The following FAM171A1 variants were observed in gnomAD, a reference collection of about 807,000 sequenced individuals.
FAM171A1 encodes family with sequence similarity 171 member A1.
FAM171A1 carries 23 observed loss-of-function variants against 74.9 expected under a neutral mutation model. The ratio of observed to expected loss-of-function variants is 0.31; its 90% CI spans 0.22 to 0.44. FAM171A1 has a LOEUF of 0.44. Among genes scored for constraint, FAM171A1 ranks in the 20% least tolerant of loss-of-function variants. FAM171A1 has a pLI of 1.00. For synonymous variants in FAM171A1, 527 were observed against 505.7 expected, an observed-to-expected ratio of 1.04 and a Z score of -0.57; for missense variants, 1,162 against 1,159.2, an observed-to-expected ratio of 1.00 and a Z score of -0.03.
At chr10:15,221,107 T>G (rs200918440) in intron 5 of FAM171A1, 47 bp from the exon 6 acceptor site, 9 of 1,457,598 alleles carry the variant, frequency 6.2e-6, no homozygotes, top group Non-Finnish European at 8.6e-6. Context: ...ACCACGCTCC[T>G]TTGTAAGGCT....
intron 2 of FAM171A1, among the ~76,000 whole-genome samples, chr10:15,281,458 A>G (rs1405189479): frequency 6.6e-6 from 1 of 152,182 alleles, no homozygotes; most frequent in Non-Finnish European, 1.5e-5. Flanking sequence ...TGATGGGCCG[A>G]TATGTGTGGG....
intron 1 of FAM171A1, among the ~76,000 whole-genome samples, chr10:15,369,215 T>G (rs1287325172): frequency 1.4e-5 from 2 of 145,956 alleles, no homozygotes; most frequent in East Asian, 3.9e-4. Flanking sequence ...ATATATTGAA[T>G]ATATATATAT....
intron 3 of FAM171A1, among the ~76,000 whole-genome samples, chr10:15,262,040 G>T (rs1166341642): frequency 2.6e-5 from 4 of 152,172 alleles, no homozygotes; most frequent in African/African-American, 9.7e-5. Flanking sequence ...ATTTGAGCCT[G>T]GGAGTCTGAG....
intron 4 of FAM171A1, among the ~76,000 whole-genome samples, chr10:15,249,800 C>T (rs1834485219): frequency 1.3e-5 from 2 of 152,168 alleles, no homozygotes; most frequent in Admixed American, 6.5e-5. Flanking sequence ...TGACTGCCTA[C>T]AGATAAATTA....
At chr10:15,253,660 T>A (rs1479430420) in intron 4 of FAM171A1, among the ~76,000 whole-genome samples, 2 of 152,220 alleles carry the variant, frequency 1.3e-5, no homozygotes, top group African/African-American at 4.8e-5. Context: ...GAAAATTAAG[T>A]GAAATTCAAG....
At chr10:15,334,039 C>T (rs1462503900) in intron 1 of FAM171A1, among the ~76,000 whole-genome samples, 1 of 152,094 alleles carries the variant, frequency 6.6e-6, no homozygotes, top group Admixed American at 6.5e-5. Flanking sequence ...AGTGCCTCCT[C>T]CCAGATCCAC....
intron 1 of FAM171A1, among the ~76,000 whole-genome samples, chr10:15,314,291 A>C (rs1220814600): frequency 6.6e-6 from 1 of 152,216 alleles, no homozygotes; most frequent in African/African-American, 2.4e-5. Context: ...AGAAATCTCC[A>C]TGTGGCATGT....
chr10:15,269,023 C>G (rs1023674474), intron 3 of FAM171A1, among the ~76,000 whole-genome samples: 15 of 140,462 alleles, frequency 1.1e-4, no homozygotes, highest in African/African-American at 4.0e-4. Flanking sequence ...GCCTGGGCAA[C>G]AGAGACTCTG....
intron 5 of FAM171A1, among the ~76,000 whole-genome samples, chr10:15,230,035 A>G (rs1369135619): frequency 1.3e-5 from 2 of 151,606 alleles, no homozygotes; most frequent in African/African-American, 2.4e-5. Context: ...ATCTGCATTA[A>G]GCAATAATCT....
upstream of FAM171A1, among the ~76,000 whole-genome samples, chr10:15,372,101 GT>G (rs1195683339): frequency 2.0e-5 from 3 of 152,164 alleles, no homozygotes; most frequent in Non-Finnish European, 4.4e-5. Context: ...AGGGTGGAGG[GT>G]TCTTGGTAAA....
chr10:15,258,602 G>A (rs917323937), intron 3 of FAM171A1, among the ~76,000 whole-genome samples: 3 of 152,148 alleles, frequency 2.0e-5, no homozygotes, highest in African/African-American at 7.2e-5. Context: ...CCAAGCTCCA[G>A]TGATGTGGCT....
At chr10:15,312,031 G>A (rs1221571010) in intron 1 of FAM171A1, among the ~76,000 whole-genome samples, 1 of 152,180 alleles carries the variant, frequency 6.6e-6, no homozygotes, top group African/African-American at 2.4e-5. Flanking sequence ...CTCGGAGAAG[G>A]TGAGTGACCT....
At chr10:15,361,378 G>T (rs1328658833) in intron 1 of FAM171A1, among the ~76,000 whole-genome samples, 2 of 152,142 alleles carry the variant, frequency 1.3e-5, no homozygotes, top group Non-Finnish European at 2.9e-5. Context: ...GCTACTAATG[G>T]CTGTTCTTGA....
chr10:15,297,606 T>A (rs960781965), intron 1 of FAM171A1, among the ~76,000 whole-genome samples: 9 of 152,122 alleles, frequency 5.9e-5, no homozygotes, highest in Non-Finnish European at 8.8e-5. Context: ...AAATATACAA[T>A]AACAAATATT....
intron 1 of FAM171A1, among the ~76,000 whole-genome samples, chr10:15,317,393 T>A (rs1240452811): frequency 2.0e-5 from 3 of 152,188 alleles, no homozygotes; most frequent in Non-Finnish European, 4.4e-5. Flanking sequence ...TTATTTTTTT[T>A]AATTTTAATT....
intron 3 of FAM171A1, among the ~76,000 whole-genome samples, chr10:15,262,038 C>T (rs548254196): frequency 3.2e-4 from 49 of 152,280 alleles, no homozygotes; most frequent in Non-Finnish European, 5.3e-4. Context: ...TCATTTGAGC[C>T]TGGGAGTCTG....
At position 15,220,988 on chromosome 10, in the gene FAM171A1, G is replaced by T; in HGVS notation, c.827C>A (p.Pro276His). 1 of 1,614,112 alleles carries T rather than the reference G, an allele frequency of 6.2e-7. No homozygotes were observed. Among genetic ancestry groups the T allele is most frequent in the Non-Finnish European group, 8.5e-7 (1 of 1,180,008 alleles). ...GGCGGCCACCCAGTACCCCAACTGG[G>T]GGGCAATGTATGTCCACGTCAGCTG... ...GSQLTWTYIA[P>H]QLGYWVAAMS... The change falls in exon 6 of 8, where the codon CCC (proline) becomes CAC (histidine). Residue 276 changes from proline to histidine, a missense_variant. Coordinates refer to ENST00000378116, the MANE Select transcript of FAM171A1 (RefSeq NM_001010924.2).
intron 4 of FAM171A1, 90 bp downstream of exon 4, chr10:15,254,629 CAT>C: frequency 1.4e-6 from 2 of 1,407,084 alleles, no homozygotes; most frequent in Non-Finnish European, 1.9e-6. Context: ...CTTTCTCCCA[CAT>C]AGTGCTAAAA....
intron 1 of FAM171A1, among the ~76,000 whole-genome samples, chr10:15,341,769 A>G (rs2138930): frequency 0.89 from 135,236 of 152,110 alleles, 60,143 homozygotes; most frequent in East Asian, 1. Context: ...ATATACCCTG[A>G]CACATCACGA....
Sources: gnomAD v4.1 joint callset for allele counts (sites outside exome capture counted in the v4.1 genomes callset) on GRCh38, gnomAD v4.1.1 for gene constraint, MANE v1.5 for transcripts, NCBI Gene and HGNC (gene_info 2026-07-23, HGNC 2026-07-21) for gene names.